Variants in FHIP2A observed in about 807,000 individuals in gnomAD.
FHIP2A encodes family with sequence similarity 160 member B1.
A neutral mutation model predicts 93.5 loss-of-function variants in FHIP2A; 46 were observed. That is an observed-to-expected ratio of 0.49 (90% CI 0.39 to 0.63). The LOEUF (loss-of-function observed/expected upper bound fraction) is 0.63, where lower values mean the gene tolerates loss of function less well. Ranked by LOEUF, FHIP2A falls within the 20% of genes least tolerant of loss-of-function variation. The pLI, the probability that FHIP2A is intolerant of heterozygous loss-of-function variation, is 0.00. For synonymous variants in FHIP2A, 332 were observed against 326.5 expected (o/e 1.02, Z -0.18); for missense variants, 769 against 909.7 (o/e 0.85, Z 1.99).
At chr10:114,855,146 A>G in intron 13 of FHIP2A, 51 bp from the exon 14 acceptor site, 1 of 1,564,620 alleles carries the variant, frequency 6.4e-7, no homozygotes, top group South Asian at 1.2e-5. Flanking sequence ...TTTCTATTTC[A>G]TCTTAATTTG....
intron 5 of FHIP2A, among the ~76,000 whole-genome samples, chr10:114,841,146 T>A (rs2083666154): frequency 1.3e-5 from 2 of 152,144 alleles, no homozygotes; most frequent in African/African-American, 4.8e-5. Context: ...GAGTCTTACT[T>A]TGAGAAACAT....
chr10:114,835,480 A>G (rs45442291), intron 3 of FHIP2A, 57 bp from the exon 4 acceptor site: 19 of 1,029,144 alleles, frequency 1.8e-5, no homozygotes, highest in Non-Finnish European at 2.9e-5. Flanking sequence ...GCTTTTCAGT[A>G]AATGTGTTTG....
At chr10:114,822,205 G>T in intron 1 of FHIP2A, 82 bp downstream of exon 1, 1 of 925,082 alleles carries the variant, frequency 1.1e-6, no homozygotes. Flanking sequence ...GACAAGCCGG[G>T]CGGCCTTGGC....
At chr10:114,833,496 A>G in intron 3 of FHIP2A, 94 bp downstream of exon 3, 1 of 1,139,226 alleles carries the variant, frequency 8.8e-7, no homozygotes, top group Non-Finnish European at 1.3e-6. Context: ...TTATAAAGGT[A>G]CATATTGAAC....
chr10:114,864,662 T>A lies in FHIP2A; in HGVS notation c.*3122T>A. ...CAAGTTCAACTTTTTGTGCTAACAATGCATGCAGGACTAAGAGGGATGATC... is the reference window on the plus strand; with the variant it reads ...CAAGTTCAACTTTTTGTGCTAACAAAGCATGCAGGACTAAGAGGGATGATC... On this transcript the variant is annotated 3_prime_UTR_variant, in exon 17 of 17. Coordinates refer to ENST00000369248, the MANE Select transcript of FHIP2A (RefSeq NM_020940.4). The A allele has an allele frequency of 1.0e-6, 1 of 985,496 alleles. No homozygotes were observed. The highest frequency in any genetic ancestry group is 1.2e-6 in the Non-Finnish European group (1 of 829,704). 61.0% of individuals were successfully genotyped at this position (985,496 alleles called of 1,614,324 possible).
intron 1 of FHIP2A, among the ~76,000 whole-genome samples, chr10:114,827,552 C>G (rs2083583674): frequency 6.6e-6 from 1 of 152,176 alleles, no homozygotes; most frequent in African/African-American, 2.4e-5. Flanking sequence ...AATCCCAGCA[C>G]TTTGGGAGGC....
downstream of FHIP2A, among the ~76,000 whole-genome samples, chr10:114,867,142 G>A (rs2083833289): frequency 6.6e-6 from 1 of 151,264 alleles, no homozygotes; most frequent in Non-Finnish European, 1.5e-5. Context: ...TGGGGAGGCG[G>A]AGGTTTCAGT....
intron 14 of FHIP2A, among the ~76,000 whole-genome samples, chr10:114,856,770 A>G (rs1365285699): frequency 2.6e-5 from 4 of 152,248 alleles, no homozygotes; most frequent in Admixed American, 1.3e-4. Flanking sequence ...TTCACCAGAT[A>G]GCACTTCATA....
At position 114,822,134 on chromosome 10, in the gene FHIP2A, G is replaced by A; in HGVS notation, c.45+11G>A. ...CACGCCGTGGAGGCGGTAAGGCCGCGGGCTGCGGGCGCACGGCAGGCCGGG... is the reference window on the plus strand; with the variant it reads ...CACGCCGTGGAGGCGGTAAGGCCGCAGGCTGCGGGCGCACGGCAGGCCGGG... On this transcript the variant is annotated intron_variant, in intron 1 of 16. Coordinates refer to ENST00000369248, the MANE Select transcript of FHIP2A (RefSeq NM_020940.4). 1.5e-6 allele frequency: 2 copies of A among 1,311,782 alleles called. No homozygotes were observed. The highest frequency in any genetic ancestry group is 2.8e-5 in the Admixed American group (1 of 35,402). The allele number at this position is 1,311,782 out of a possible 1,614,324, so 81.3% of individuals were successfully genotyped here. A position where few individuals can be genotyped will look rare whatever the true frequency, so the allele number is the denominator to read the frequency against.
At chr10:114,829,173 C>G (rs904688903) in intron 1 of FHIP2A, among the ~76,000 whole-genome samples, 4 of 152,306 alleles carry the variant, frequency 2.6e-5, no homozygotes, top group African/African-American at 9.6e-5. Flanking sequence ...GCAGGGCAGC[C>G]CCAAGAGCTA....
chr10:114,865,527 A>G (rs2083824220), downstream of FHIP2A, among the ~76,000 whole-genome samples: 1 of 152,142 alleles, frequency 6.6e-6, no homozygotes, highest in African/African-American at 2.4e-5. Flanking sequence ...TTAGACGGAA[A>G]TAAAGATGAT....
Position 114,861,853 on chromosome 10 carries a change from G to A in FHIP2A, c.*313G>A. On this transcript the variant is annotated 3_prime_UTR_variant, in exon 17 of 17. Coordinates refer to ENST00000369248, the MANE Select transcript of FHIP2A (RefSeq NM_020940.4). ...AAAGCTGCAATATTTCCAATGTCAT[G>A]ACTTTGATGATATTTCTGTTATATT... 1 of 1,017,756 alleles carries A rather than the reference G, an allele frequency of 9.8e-7. No individual in the cohort carries two copies. Among genetic ancestry groups the A allele is most frequent in the Non-Finnish European group, 1.2e-6 (1 of 850,680 alleles). The allele number at this position is 1,017,756 out of a possible 1,614,324, so 63.0% of individuals were successfully genotyped here. A position where few individuals can be genotyped will look rare whatever the true frequency, so the allele number is the denominator to read the frequency against.
At chr10:114,878,026 C>T (rs1024081672) in intron 16 of FHIP2A, among the ~76,000 whole-genome samples, 6 of 152,126 alleles carry the variant, frequency 3.9e-5, no homozygotes, top group Admixed American at 3.9e-4. Context: ...TTCTCTTTAA[C>T]AGTCAGTATT....
chr10:114,844,005 C>CAAAA, intron 7 of FHIP2A, 68 bp downstream of exon 7: 1 of 1,310,902 alleles, frequency 7.6e-7, no homozygotes, highest in Non-Finnish European at 1.0e-6. Context: ...AAATCCATTT[C>CAAAA]TATTTTGCAA....
downstream of FHIP2A, among the ~76,000 whole-genome samples, chr10:114,867,397 T>G (rs534293441): frequency 6.6e-6 from 1 of 152,224 alleles, no homozygotes; most frequent in Admixed American, 6.5e-5. Flanking sequence ...TAGCTTGTGA[T>G]TTATGATCTC....
chr10:114,871,101 A>G (rs564928514), intron 16 of FHIP2A, among the ~76,000 whole-genome samples: 1 of 147,876 alleles, frequency 6.8e-6, no homozygotes, highest in Admixed American at 6.8e-5. Flanking sequence ...TTAAATATGT[A>G]ATATATATAC....
chr10:114,872,050 C>T (rs951017576), intron 16 of FHIP2A, among the ~76,000 whole-genome samples: 1 of 152,198 alleles, frequency 6.6e-6, no homozygotes, highest in Non-Finnish European at 1.5e-5. Context: ...ATTTTATCTT[C>T]CTTTGAAACT....
At chr10:114,876,956 A>T (rs2083892570) in intron 16 of FHIP2A, among the ~76,000 whole-genome samples, 2 of 151,006 alleles carry the variant, frequency 1.3e-5, no homozygotes, top group South Asian at 4.2e-4. Flanking sequence ...CTGTTAAGTT[A>T]CCGGAATAAT....
At chr10:114,841,901 T>C (rs1047212813) in intron 5 of FHIP2A, among the ~76,000 whole-genome samples, 1 of 152,208 alleles carries the variant, frequency 6.6e-6, no homozygotes, top group African/African-American at 2.4e-5. Context: ...CAAGATACTT[T>C]TGCCTTGAAG....
Sources: allele counts gnomAD v4.1 joint callset (sites outside exome capture counted in the v4.1 genomes callset), GRCh38; gene constraint gnomAD v4.1.1; transcripts MANE v1.5; gene names NCBI Gene and HGNC (gene_info 2026-07-23, HGNC 2026-07-21).